The following RAB3C variants were observed in gnomAD, a reference collection of about 807,000 sequenced individuals.
The protein encoded by RAB3C is ras-related protein Rab-3C.
A neutral mutation model predicts 26.4 loss-of-function variants in RAB3C; 17 were observed. The observed-to-expected ratio is 0.64, with a 90% CI of 0.44 to 0.97. The LOEUF (loss-of-function observed/expected upper bound fraction) is 0.97, where lower values mean the gene tolerates loss of function less well. Among genes scored for constraint, RAB3C ranks in the 50% least tolerant of loss-of-function variants. The pLI, the probability that RAB3C is intolerant of heterozygous loss-of-function variation, is 0.00. For synonymous variants in RAB3C, 91 were observed against 95.9 expected (o/e 0.95, Z 0.30); for missense variants, 242 against 281.9 (o/e 0.86, Z 1.01).
At chr5:58,701,107 C>T (rs953694223) in intron 2 of RAB3C, among the ~76,000 whole-genome samples, 5 of 152,034 alleles carry the variant, frequency 3.3e-5, no homozygotes, top group East Asian at 1.9e-4. Flanking sequence ...AACATTCTCC[C>T]GCCTCAGCCC....
At chr5:58,772,610 G>T (rs1365142748) in intron 3 of RAB3C, among the ~76,000 whole-genome samples, 1 of 152,134 alleles carries the variant, frequency 6.6e-6, no homozygotes, top group East Asian at 1.9e-4. Flanking sequence ...CGAGAGAGAA[G>T]GCTCATCGTG....
intron 2 of RAB3C, among the ~76,000 whole-genome samples, chr5:58,671,857 A>G (rs976115661): frequency 2.0e-5 from 3 of 152,230 alleles, no homozygotes; most frequent in African/African-American, 7.2e-5. Flanking sequence ...TACTGAGAAT[A>G]TACTGCTTCC....
chr5:58,816,321 C>T (rs921182571), intron 3 of RAB3C, among the ~76,000 whole-genome samples: 1 of 152,162 alleles, frequency 6.6e-6, no homozygotes, highest in African/African-American at 2.4e-5. Flanking sequence ...GTTACCAGAG[C>T]TTAATCTTTC....
At position 58,590,532 on chromosome 5, in the gene RAB3C, C is replaced by CTTATTTATTTATTTATTTAT. The variant is rs34521886; in HGVS notation, c.24+7307_24+7326dup. 3.2e-3 allele frequency among the ~76,000 whole-genome samples: 490 copies of CTTATTTATTTATTTATTTAT among 151,430 alleles called. 1 individual carries two copies. The highest frequency in any genetic ancestry group is 0.011 in the African/African-American group (466 of 41,366). On this transcript the variant is annotated intron_variant, in intron 1 of 4. Coordinates refer to ENST00000282878, the MANE Select transcript of RAB3C (RefSeq NM_138453.4). ...ATTCTTAAGGTATAAATTTGGTTCA[C>CTTATTTATTTATTTATTTAT]TTATTTATTTATTTATTTATTTATT...
At position 58,857,976 on chromosome 5, in the gene RAB3C, A is replaced by G. The variant is rs1186169588; in HGVS notation, c.*6625A>G. ...TCTAAGGCAAAGCATTCATTTTAAT[A>G]TTGTACTTTGCCTTTTCATTCAGTT... On this transcript the variant is annotated 3_prime_UTR_variant, in exon 5 of 5. Transcript: ENST00000282878. 6.6e-6 allele frequency: 1 copy of G among 152,222 alleles called. No homozygotes were observed. Among genetic ancestry groups the G allele is most frequent in the African/African-American group, 2.4e-5 (1 of 41,454 alleles). 9.4% of individuals were successfully genotyped at this position (152,222 alleles called of 1,614,324 possible).
At chr5:58,757,347 C>A (rs1180474755) in intron 3 of RAB3C, among the ~76,000 whole-genome samples, 4 of 150,864 alleles carry the variant, frequency 2.7e-5, no homozygotes, top group African/African-American at 7.3e-5. Context: ...GTCTCTTTAC[C>A]CACTTTCAAT....
At chr5:58,783,646 A>T (rs6862205) in intron 3 of RAB3C, among the ~76,000 whole-genome samples, 7,421 of 152,278 alleles carry the variant, frequency 0.049, 242 homozygotes, top group African/African-American at 0.097. Flanking sequence ...ATACTTTTAA[A>T]GTAAATGCAC....
intron 2 of RAB3C, among the ~76,000 whole-genome samples, chr5:58,640,680 G>A (rs1747396463): frequency 6.6e-6 from 1 of 152,084 alleles, no homozygotes; most frequent in Admixed American, 6.6e-5. Context: ...TCATAAGTGT[G>A]GCCAAAGGAT....
intron 2 of RAB3C, 33 bp downstream of exon 2, chr5:58,617,903 G>T (rs567767090): frequency 3.2e-5 from 44 of 1,395,572 alleles, no homozygotes; most frequent in Non-Finnish European, 4.2e-5. Context: ...TGTTCTTCAG[G>T]CTGGGGTGTT....
At chr5:58,592,382 CAT>C (rs926752142) in intron 1 of RAB3C, among the ~76,000 whole-genome samples, 1 of 152,010 alleles carries the variant, frequency 6.6e-6, no homozygotes, top group Non-Finnish European at 1.5e-5. Context: ...AAATTGTTGT[CAT>C]ATGTTACATC....
intron 3 of RAB3C, among the ~76,000 whole-genome samples, chr5:58,749,324 G>C (rs1379529939): frequency 1.3e-5 from 2 of 152,164 alleles, no homozygotes; most frequent in African/African-American, 2.4e-5. Context: ...TTGGTTCTGT[G>C]TGAATTTTAT....
At chr5:58,796,893 G>A (rs780794875) in intron 3 of RAB3C, among the ~76,000 whole-genome samples, 1 of 151,856 alleles carries the variant, frequency 6.6e-6, no homozygotes, top group Non-Finnish European at 1.5e-5. Flanking sequence ...CATCTTCCCT[G>A]GGCACAGAGA....
At chr5:58,625,381 A>G (rs77717915) in intron 2 of RAB3C, among the ~76,000 whole-genome samples, 2 of 152,322 alleles carry the variant, frequency 1.3e-5, no homozygotes, top group East Asian at 1.9e-4. Context: ...TGATTAAAAT[A>G]ATAAATCAAA....
At chr5:58,604,765 C>T (rs892240729) in intron 1 of RAB3C, among the ~76,000 whole-genome samples, 7 of 152,192 alleles carry the variant, frequency 4.6e-5, no homozygotes, top group East Asian at 3.8e-4. Context: ...TTTAGTTCTT[C>T]CCCAGCCTGT....
intron 3 of RAB3C, among the ~76,000 whole-genome samples, chr5:58,783,909 A>T (rs1310271196): frequency 6.6e-6 from 1 of 152,190 alleles, no homozygotes; most frequent in South Asian, 2.1e-4. Context: ...TCCTGCCCCT[A>T]TAACCATATA....
At chr5:58,692,358 G>GA (rs11407657) in intron 2 of RAB3C, among the ~76,000 whole-genome samples, 151,704 of 151,800 alleles carry the variant, frequency 1, 75,804 homozygotes, top group Middle Eastern at 1. Flanking sequence ...ATAATGTTCA[G>GA]AAAAAAAAGA....
intron 3 of RAB3C, among the ~76,000 whole-genome samples, chr5:58,735,117 C>T (rs1741105856): frequency 6.6e-6 from 1 of 152,144 alleles, no homozygotes; most frequent in South Asian, 2.1e-4. Context: ...TTCTTATGCT[C>T]AGGAACAGCA....
At chr5:58,792,696 G>A (rs7702475) in intron 3 of RAB3C, among the ~76,000 whole-genome samples, 82,443 of 151,702 alleles carry the variant, frequency 0.54, 23,109 homozygotes, top group South Asian at 0.62. Flanking sequence ...AGCTATTTTC[G>A]TTAATAATTG....
At chr5:58,692,209 A>C (rs1326050994) in intron 2 of RAB3C, among the ~76,000 whole-genome samples, 2 of 152,180 alleles carry the variant, frequency 1.3e-5, no homozygotes, top group African/African-American at 4.8e-5. Context: ...TTTTTATCTC[A>C]GTGTTTTATA....
Sources: gnomAD v4.1 joint callset for allele counts (sites outside exome capture counted in the v4.1 genomes callset) on GRCh38, gnomAD v4.1.1 for gene constraint, MANE v1.5 for transcripts, NCBI Gene and HGNC (gene_info 2026-07-23, HGNC 2026-07-21) for gene names.